The following BOLL variants were observed in gnomAD, a reference collection of about 807,000 sequenced individuals.
The protein encoded by BOLL is protein boule-like.
A neutral mutation model predicts 44.4 loss-of-function variants in BOLL; 23 were observed. The observed-to-expected ratio is 0.52, with a 90% CI of 0.37 to 0.73. BOLL has a LOEUF of 0.73. Ranked by LOEUF, BOLL falls within the 30% of genes least tolerant of loss-of-function variation. BOLL has a pLI of 0.00. For missense variants in BOLL, 287 were observed against 338.3 expected (o/e 0.85, Z 1.19); for synonymous variants, 97 against 110.8 (o/e 0.88, Z 0.78).
chr2:197,759,637 T>C (rs1320341571), intron 7 of BOLL, among the ~76,000 whole-genome samples: 6 of 152,156 alleles, frequency 3.9e-5, no homozygotes, highest in Admixed American at 3.9e-4. Flanking sequence ...AGGCTCAAGA[T>C]TGGCTGTGAT....
intron 7 of BOLL, 107 bp downstream of exon 7, chr2:197,766,425 A>C: frequency 1.1e-6 from 1 of 921,212 alleles, no homozygotes; most frequent in East Asian, 2.6e-5. Flanking sequence ...CTAATGAACT[A>C]TCTCTTTGTA....
chr2:197,758,210 C>T (rs757529682), intron 7 of BOLL, among the ~76,000 whole-genome samples: 19 of 152,264 alleles, frequency 1.2e-4, no homozygotes, highest in Non-Finnish European at 2.1e-4. Flanking sequence ...GAATGTCCAT[C>T]GCAGTATCAT....
chr2:197,747,186 A>G (rs1048132465), intron 9 of BOLL, among the ~76,000 whole-genome samples: 1 of 152,196 alleles, frequency 6.6e-6, no homozygotes, highest in African/African-American at 2.4e-5. Flanking sequence ...CACAGTGTGT[A>G]CATATATCCA....
At chr2:197,739,066 G>A (rs1320204303) in intron 10 of BOLL, among the ~76,000 whole-genome samples, 1 of 152,078 alleles carries the variant, frequency 6.6e-6, no homozygotes, top group Non-Finnish European at 1.5e-5. Context: ...CTGTCTCTGA[G>A]TGGGGTATCG....
chr2:197,764,225 G>A (rs1039847358), intron 7 of BOLL, among the ~76,000 whole-genome samples: 2 of 152,142 alleles, frequency 1.3e-5, no homozygotes, highest in Non-Finnish European at 2.9e-5. Context: ...GTATCAGAGA[G>A]ACATCTGCAC....
intron 7 of BOLL, among the ~76,000 whole-genome samples, chr2:197,765,971 T>C (rs769152561): frequency 2.2e-4 from 33 of 152,132 alleles, no homozygotes; most frequent in Non-Finnish European, 4.3e-4. Context: ...CCTGTGTCAG[T>C]TTGCTAAGGA....
In BOLL at chr2:197,732,695, G is replaced by C. The variant is rs1687254798; in HGVS notation, c.829-4117C>G. Among the ~76,000 whole-genome samples, 8 of 149,984 alleles carry C rather than the reference G, an allele frequency of 5.3e-5. No individual in the cohort carries two copies. The South Asian group carries it at 1.7e-3, about 32-fold the overall frequency. Reference sequence around the variant, plus strand: ...AAATGTAATCCAGCATATAAACAGAGCCAAAGACAAAAACCACATGATTAT... The same window carrying C: ...AAATGTAATCCAGCATATAAACAGACCCAAAGACAAAAACCACATGATTAT... On this transcript the variant is annotated intron_variant, in intron 10 of 10. Coordinates refer to ENST00000392296, the MANE Select transcript of BOLL (RefSeq NM_033030.6).
At chr2:197,735,800 G>A (rs1687457270) in intron 10 of BOLL, among the ~76,000 whole-genome samples, 1 of 152,106 alleles carries the variant, frequency 6.6e-6, no homozygotes, top group South Asian at 2.1e-4. Flanking sequence ...GATATTAATT[G>A]TAGTTTCTTT....
chr2:197,775,586 A>G lies in BOLL; in HGVS notation c.352+79T>C. On this transcript the variant is annotated intron_variant, in intron 5 of 10. Coordinates refer to ENST00000392296, the MANE Select transcript of BOLL (RefSeq NM_033030.6). ...GATGAAAGAAACATGATCTTTTAAT[A>G]AAGTTCTATAAAAAGTCTTATATTT... The G allele has an allele frequency of 3.2e-6, 3 of 933,376 alleles. No homozygotes were observed. The South Asian group carries it at 5.2e-5, about 16-fold the overall frequency. 57.8% of individuals were successfully genotyped at this position (933,376 alleles called of 1,614,324 possible).
intron 7 of BOLL, among the ~76,000 whole-genome samples, chr2:197,764,319 A>G (rs1371328646): frequency 6.6e-6 from 1 of 152,196 alleles, no homozygotes; most frequent in Admixed American, 6.5e-5. Flanking sequence ...TAAAGAAAAT[A>G]TGGTATATAT....
Position 197,743,104 on chromosome 2 carries a change from G to A in BOLL, c.785C>T (p.Ala262Val). ...ATYHQVYAPS[A>V]ITMPAPVMQP... The stretch of plus-strand genomic sequence containing the variant: ...CATCACAGGCGCAGGCATAGTGATG[G>A]CACTTGGAGCATAAACCTGGTGATA... Residue 262 changes from alanine to valine, a missense_variant, in exon 10 of 11, where the codon GCC becomes GTC. Coordinates refer to ENST00000392296, the MANE Select transcript of BOLL (RefSeq NM_033030.6). 6.2e-7 allele frequency: 1 copy of A among 1,605,502 alleles called. No individual in the cohort carries two copies. Among genetic ancestry groups the A allele is most frequent in the Non-Finnish European group, 8.5e-7 (1 of 1,176,012 alleles).
chr2:197,756,803 T>C (rs556531664), intron 8 of BOLL, among the ~76,000 whole-genome samples: 1 of 152,280 alleles, frequency 6.6e-6, no homozygotes, highest in East Asian at 1.9e-4. Context: ...GAACCTCATA[T>C]ATAAATTCAG....
chr2:197,759,887 C>G (rs1375436162), intron 7 of BOLL, among the ~76,000 whole-genome samples: 1 of 152,186 alleles, frequency 6.6e-6, no homozygotes, highest in Admixed American at 6.5e-5. Flanking sequence ...GCAGACAAGC[C>G]CCTGACCTAC....
Position 197,759,010 on chromosome 2 carries a change from C to T in BOLL, c.553-1610G>A, listed in dbSNP as rs771189240. On this transcript the variant is annotated intron_variant, in intron 7 of 10. Coordinates refer to ENST00000392296, the MANE Select transcript of BOLL (RefSeq NM_033030.6). Reference sequence around the variant, plus strand: ...CTTGTATGACATTGTTTAATTCCCTCGTAAAAAAAGAGAGGCATGATGTCA... The same window carrying T: ...CTTGTATGACATTGTTTAATTCCCTTGTAAAAAAAGAGAGGCATGATGTCA... The T allele has an allele frequency of 5.4e-5, 83 of 1,534,786 alleles. 1 individual carries two copies. Among genetic ancestry groups the T allele is most frequent in the African/African-American group, 1.6e-4 (12 of 72,906 alleles).
chr2:197,743,220 C>T (rs756335563), intron 9 of BOLL, 61 bp from the exon 10 acceptor site: 14 of 1,237,956 alleles, frequency 1.1e-5, no homozygotes, highest in Non-Finnish European at 1.6e-5. Context: ...AATATTTACT[C>T]AGCATTTACA....
chr2:197,768,918 A>G (rs1689113211), intron 6 of BOLL, among the ~76,000 whole-genome samples: 1 of 151,150 alleles, frequency 6.6e-6, no homozygotes. Flanking sequence ...ATTGAGATTA[A>G]TCATGTGGTT....
intron 10 of BOLL, among the ~76,000 whole-genome samples, 165 bp from the exon 11 acceptor site, chr2:197,728,743 G>A (rs940168498): frequency 1.3e-5 from 2 of 152,152 alleles, no homozygotes; most frequent in Non-Finnish European, 2.9e-5. Flanking sequence ...CAATTTAGGA[G>A]GGCTCCAGAA....
intron 10 of BOLL, among the ~76,000 whole-genome samples, 189 bp from the exon 11 acceptor site, chr2:197,728,767 GCTCT>G (rs1686969839): frequency 6.6e-6 from 1 of 152,228 alleles, no homozygotes; most frequent in African/African-American, 2.4e-5. Context: ...AGGAAAACCT[GCTCT>G]CTGAGAGCTT....
At chr2:197,770,897 G>C (rs1372937621) in intron 6 of BOLL, among the ~76,000 whole-genome samples, 2 of 152,132 alleles carry the variant, frequency 1.3e-5, no homozygotes, top group Non-Finnish European at 2.9e-5. Flanking sequence ...TACACTGTTG[G>C]TGGGAGTGTA....
Sources: gnomAD v4.1 joint callset for allele counts (sites outside exome capture counted in the v4.1 genomes callset) on GRCh38, gnomAD v4.1.1 for gene constraint, MANE v1.5 for transcripts, NCBI Gene and HGNC (gene_info 2026-07-23, HGNC 2026-07-21) for gene names.